USP29: variants seen among roughly 807,000 people sequenced by gnomAD.
USP29 encodes ubiquitin carboxyl-terminal hydrolase 29.
For missense variants in USP29, 1,102 were observed against 1,069.0 expected, an observed-to-expected ratio of 1.03 and a Z score of -0.43; for synonymous variants, 386 against 387.4, an observed-to-expected ratio of 1.00 and a Z score of 0.04.
chr19:57,131,290 C>T lies in USP29; in HGVS notation c.2615C>T (p.Ala872Val), dbSNP rs200727021. The T allele has an allele frequency of 7.6e-5, 123 of 1,613,952 alleles. No individual in the cohort carries two copies. The highest frequency in any genetic ancestry group is 5.3e-5 in the Non-Finnish European group (62 of 1,180,018). The change falls in exon 4 of 4, where the codon GCG (alanine) becomes GTG (valine). Residue 872 changes from alanine to valine, a missense_variant. Coordinates refer to ENST00000254181, the MANE Select transcript of USP29 (RefSeq NM_020903.3). ...ATCTCAGAGACCAAAATGCAGGAGG[C>T]GAGGCTTCACTCTGGGTATATCTTC... ...SEISETKMQE[A>V]RLHSGYIFFY... is the part of the protein sequence containing the mutation.
chr19:57,119,657 A>G (rs2086783053), upstream of USP29, among the ~76,000 whole-genome samples: 1 of 152,142 alleles, frequency 6.6e-6, no homozygotes, highest in Non-Finnish European at 1.5e-5. Context: ...TCCTGACCTC[A>G]GGTGATCCGC....
Position 57,131,541 on chromosome 19 carries a change from T to C in USP29, c.*97T>C. On this transcript the variant is annotated 3_prime_UTR_variant, in exon 4 of 4. Transcript: ENST00000254181. ...ACTTCACTCAGAATGAAGGAACAAG[T>C]ATCTCAGGATGAAATCTCAATGAAA... is the stretch of plus-strand genomic sequence containing the variant. The C allele has an allele frequency of 1.3e-6, 2 of 1,482,234 alleles. No individual in the cohort carries two copies. Among genetic ancestry groups the C allele is most frequent in the South Asian group, 2.9e-5 (2 of 67,952 alleles). 91.8% of individuals were successfully genotyped at this position (1,482,234 alleles called of 1,614,324 possible). A position where few individuals can be genotyped will look rare whatever the true frequency, so the allele number is the denominator to read the frequency against.
chr19:57,130,560 G>C lies in USP29; in HGVS notation c.1885G>C (p.Glu629Gln), dbSNP rs2086852312. The C allele has an allele frequency of 3.1e-6, 5 of 1,614,166 alleles. No individual in the cohort carries two copies. The highest frequency in any genetic ancestry group is 4.2e-6 in the Non-Finnish European group (5 of 1,180,026). The change falls in exon 4 of 4, where the codon GAG becomes CAG. Residue 629 changes from glutamate (E) to glutamine (Q), a missense_variant. Coordinates refer to ENST00000254181, the MANE Select transcript of USP29 (RefSeq NM_020903.3). The part of the protein sequence containing the change: ...QRDLENGSAL[E>Q]SELVHFRDRA... ...AGACCTGGAAAATGGCTCTGCACTA[G>C]AGTCAGAATTGGTCCACTTTAGAGA...
chr19:57,130,095 G>C lies in USP29; in HGVS notation c.1420G>C (p.Asp474His). 1 of 1,613,436 alleles carries C rather than the reference G, an allele frequency of 6.2e-7. No individual in the cohort carries two copies. The highest frequency in any genetic ancestry group is 8.5e-7 in the Non-Finnish European group (1 of 1,179,844). Residue 474 changes from aspartate (D) to histidine (H), a missense_variant, in exon 4 of 4, where the codon GAT becomes CAT. Transcript: ENST00000254181. ...TCCTTTGTCCATTCAGAATTCTTTA[G>C]ATCTTTTCTTTAAAGAAGAAGAGCT... Reference protein sequence around the residue: ...PLPLSIQNSLDLFFKEEELEY... With the variant: ...PLPLSIQNSLHLFFKEEELEY...
chr19:57,128,539 ATTTTAC>A, intron 3 of USP29, 115 bp from the exon 4 acceptor site: 1 of 1,056,646 alleles, frequency 9.5e-7, no homozygotes, highest in Non-Finnish European at 1.3e-6. Flanking sequence ...CCAAAAGAGT[ATTTTAC>A]TTAGAGCATA....
At chr19:57,126,101 C>T (rs2086822798) in intron 3 of USP29, among the ~76,000 whole-genome samples, 1 of 152,166 alleles carries the variant, frequency 6.6e-6, no homozygotes, top group Non-Finnish European at 1.5e-5. Context: ...TGTCTTCTGG[C>T]TTGTAGGGTT....
intron 1 of USP29, among the ~76,000 whole-genome samples, chr19:57,120,496 A>C (rs2086788864): frequency 6.8e-6 from 1 of 147,922 alleles, no homozygotes; most frequent in Non-Finnish European, 1.5e-5. Flanking sequence ...AACTATATAA[A>C]AGAAAAAAGG....
rs751008985 is a variant in USP29 at position 57,130,721 on chromosome 19, T to G, written c.2046T>G (p.Leu682=). Residue 682 remains leucine (L), a synonymous_variant, in exon 4 of 4, where the codon CTT becomes CTG. Transcript: ENST00000254181. ...ACACAAGGCTTGTCGAGGTTCATCT[T>G]CAAGAGGTGCCTCAACATCCAGAAC... ...SPDTRLVEVH[L]QEVPQHPELQ... is the part of the protein sequence containing the mutation. 3 of 1,614,174 alleles carry G rather than the reference T, an allele frequency of 1.9e-6. No individual in the cohort carries two copies. The Admixed American group carries it at 5.0e-5, about 27-fold the overall frequency.
intron 3 of USP29, among the ~76,000 whole-genome samples, chr19:57,125,269 G>A (rs1195031229): frequency 3.9e-5 from 6 of 152,144 alleles, no homozygotes; most frequent in Non-Finnish European, 1.5e-5. Flanking sequence ...TTTTGCATTT[G>A]CTGAGGAGTG....
chr19:57,126,287 A>T (rs1473966545), intron 3 of USP29, among the ~76,000 whole-genome samples: 10 of 152,014 alleles, frequency 6.6e-5, no homozygotes, highest in African/African-American at 2.4e-4. Flanking sequence ...GCATTTCCTG[A>T]ATTTGAATGT....
In USP29 at chr19:57,129,961, A is replaced by T. The variant is rs757423128; in HGVS notation, c.1286A>T (p.Glu429Val). The T allele has an allele frequency of 1.9e-6, 3 of 1,614,176 alleles. No individual in the cohort carries two copies. Among genetic ancestry groups the T allele is most frequent in the Non-Finnish European group, 2.5e-6 (3 of 1,180,028 alleles). Residue 429 changes from glutamate (E) to valine (V), a missense_variant, in exon 4 of 4, where the codon GAG (glutamate) becomes GTG (valine). Coordinates refer to ENST00000254181, the MANE Select transcript of USP29 (RefSeq NM_020903.3). ...GTTTGCCCTGTTGTTGCTAATTTTGAGTTTGAATTGCAGCTCTCCCTTATT... is the reference window on the plus strand; with the variant it reads ...GTTTGCCCTGTTGTTGCTAATTTTGTGTTTGAATTGCAGCTCTCCCTTATT... The part of the protein sequence containing the change: ...VFVCPVVANF[E>V]FELQLSLICK...
In USP29 at chr19:57,130,697, C is replaced by T; in HGVS notation, c.2022C>T (p.Asp674=). Residue 674 remains aspartate (D), a synonymous_variant, in exon 4 of 4, where the codon GAC becomes GAT. Coordinates refer to ENST00000254181, the MANE Select transcript of USP29 (RefSeq NM_020903.3). ...EDGGKLISSP[D]TRLVEVHLQE... The stretch of plus-strand genomic sequence containing the variant: ...GAGGGAAGCTGATCAGCAGCCCAGA[C>T]ACAAGGCTTGTCGAGGTTCATCTTC... 6.2e-7 allele frequency: 1 copy of T among 1,614,118 alleles called. No homozygotes were observed. The highest frequency in any genetic ancestry group is 8.5e-7 in the Non-Finnish European group (1 of 1,180,050).
At position 57,130,785 on chromosome 19, in the gene USP29, A is replaced by C; in HGVS notation, c.2110A>C (p.Asn704His). The C allele has an allele frequency of 6.2e-7, 1 of 1,614,190 alleles. No individual in the cohort carries two copies. The highest frequency in any genetic ancestry group is 2.2e-5 in the East Asian group (1 of 44,888). The change falls in exon 4 of 4, where the codon AAT becomes CAT. Residue 704 changes from asparagine (N) to histidine (H), a missense_variant. Asn to His is a moderately conservative substitution (Grantham distance 68, BLOSUM62 1). Coordinates refer to ENST00000254181, the MANE Select transcript of USP29 (RefSeq NM_020903.3). The stretch of plus-strand genomic sequence containing the variant: ...GAAAACCAATACATTCGTAGAGTTC[A>C]ATTTTGACAGTGTCACTGAGTCCAC... ...YEKTNTFVEF[N>H]FDSVTESTNG...
chr19:57,123,150 C>T (rs1200811754), intron 2 of USP29, among the ~76,000 whole-genome samples: 1 of 152,000 alleles, frequency 6.6e-6, no homozygotes, highest in East Asian at 1.9e-4. Flanking sequence ...CCTAAAAGTC[C>T]CTTAATGTAT....
chr19:57,119,516 G>A (rs1427893342), upstream of USP29, among the ~76,000 whole-genome samples: 1 of 152,088 alleles, frequency 6.6e-6, no homozygotes, highest in African/African-American at 2.4e-5. Flanking sequence ...TCCGCCTCCC[G>A]GGTTCAAGCG....
intron 2 of USP29, among the ~76,000 whole-genome samples, chr19:57,123,744 A>T (rs1397110957): frequency 6.6e-6 from 1 of 152,196 alleles, no homozygotes; most frequent in Non-Finnish European, 1.5e-5. Flanking sequence ...TGTTGTTAGA[A>T]GGTCTTGTTG....
intron 2 of USP29, among the ~76,000 whole-genome samples, chr19:57,123,150 C>A (rs1200811754): frequency 6.6e-6 from 1 of 152,000 alleles, no homozygotes; most frequent in South Asian, 2.1e-4. Flanking sequence ...CCTAAAAGTC[C>A]CTTAATGTAT....
In USP29 at chr19:57,129,570, G is replaced by GT. The variant is rs2086843570; in HGVS notation, c.899dup (p.Leu300PhefsTer12). The GT allele has an allele frequency of 6.2e-7, 1 of 1,614,206 alleles. No individual in the cohort carries two copies. The highest frequency in any genetic ancestry group is 8.5e-7 in the Non-Finnish European group (1 of 1,180,046). ...GGGAAACACCTGTTACATGAATGCA[G>GT]TTTTACAATCGCTATTTGCAATTCC... On this transcript the variant is annotated frameshift_variant, in exon 4 of 4. Coordinates refer to ENST00000254181, the MANE Select transcript of USP29 (RefSeq NM_020903.3). LOFTEE classifies it low-confidence loss of function (END_TRUNC).
intron 3 of USP29, among the ~76,000 whole-genome samples, chr19:57,127,398 A>T (rs536016793): frequency 6.6e-6 from 1 of 152,170 alleles, no homozygotes; most frequent in African/African-American, 2.4e-5. Context: ...CCCTTCCCCC[A>T]GGTGCTCTGT....
Sources: gnomAD v4.1 joint callset for allele counts (sites outside exome capture counted in the v4.1 genomes callset) on GRCh38, gnomAD v4.1.1 for gene constraint, MANE v1.5 for transcripts, NCBI Gene and HGNC (gene_info 2026-07-23, HGNC 2026-07-21) for gene names.